The following GLIS3 variants were observed in gnomAD, a reference collection of about 807,000 sequenced individuals.
GLIS3 encodes the protein zinc finger protein GLIS3.
In GLIS3, 53 loss-of-function variants were observed where a neutral mutation model predicts 78.6. The ratio of observed to expected loss-of-function variants is 0.67; its 90% CI spans 0.54 to 0.85. The LOEUF (loss-of-function observed/expected upper bound fraction) is 0.85. Ranked by LOEUF, GLIS3 falls within the 40% of genes least tolerant of loss-of-function variation. The probability of loss-of-function intolerance (pLI) is 0.00; values close to 1 mark genes in which losing one functional copy is unlikely to be tolerated. For missense variants in GLIS3, 1,703 were observed against 1,231.1 expected (o/e 1.38, Z -5.74); for synonymous variants, 684 against 509.9 (o/e 1.34, Z -4.60).
At chr9:3,904,157 G>C (rs1260649774) in intron 6 of GLIS3, among the ~76,000 whole-genome samples, 1 of 152,128 alleles carries the variant, frequency 6.6e-6, no homozygotes, top group East Asian at 1.9e-4. Context: ...CTAGACTTTA[G>C]TATCCAGTTA....
the GLIS3 span, among the ~76,000 whole-genome samples, chr9:4,489,850 T>C: frequency 6.6e-6 from 1 of 152,202 alleles, no homozygotes; most frequent in Non-Finnish European, 1.5e-5. Flanking sequence ...AAGCCCAGTG[T>C]CCACAGACAA....
At chr9:3,851,943 G>T (rs1034190346) in intron 9 of GLIS3, among the ~76,000 whole-genome samples, 1 of 152,146 alleles carries the variant, frequency 6.6e-6, no homozygotes, top group African/African-American at 2.4e-5. Context: ...AGGAGTTTGA[G>T]ATCAGTCTAG....
At chr9:4,330,024 T>C (rs977990104) in intron 2 of GLIS3, among the ~76,000 whole-genome samples, 4 of 152,224 alleles carry the variant, frequency 2.6e-5, no homozygotes, top group African/African-American at 7.2e-5. Context: ...CCAAGTCAGC[T>C]GGAGGTTTTC....
chr9:4,431,680 A>T, the GLIS3 span, among the ~76,000 whole-genome samples: 2 of 152,150 alleles, frequency 1.3e-5, no homozygotes, highest in African/African-American at 4.8e-5. Flanking sequence ...TCCCATCTCT[A>T]CTAAAAATAC....
At chr9:4,384,289 C>T in the GLIS3 span, among the ~76,000 whole-genome samples, 105,079 of 151,916 alleles carry the variant, frequency 0.69, 38,568 homozygotes, top group Non-Finnish European at 0.82. Flanking sequence ...GGTGGGAAAA[C>T]GGAACTACTT....
intron 4 of GLIS3, among the ~76,000 whole-genome samples, chr9:4,059,790 T>G (rs1826469726): frequency 1.0e-5 from 1 of 100,064 alleles, no homozygotes; most frequent in South Asian, 3.3e-4. Context: ...GGCTTGTCAC[T>G]TACTCAGCTT....
At chr9:4,023,439 T>C (rs888142172) in intron 4 of GLIS3, among the ~76,000 whole-genome samples, 2 of 152,198 alleles carry the variant, frequency 1.3e-5, no homozygotes. Context: ...CCCAAAAAAG[T>C]GTCATCAAGG....
At chr9:4,172,257 G>A (rs574851904) in intron 2 of GLIS3, among the ~76,000 whole-genome samples, 63 of 152,132 alleles carry the variant, frequency 4.1e-4, no homozygotes, top group Non-Finnish European at 8.1e-4. Context: ...TTCCAGGGTA[G>A]TGGCTCAGCT....
chr9:4,023,095 C>A (rs1001144419), intron 4 of GLIS3, among the ~76,000 whole-genome samples: 1 of 152,112 alleles, frequency 6.6e-6, no homozygotes, highest in African/African-American at 2.4e-5. Context: ...TATTTGAAAA[C>A]AAATTATATA....
intron 4 of GLIS3, among the ~76,000 whole-genome samples, chr9:3,942,288 C>T (rs1462694175): frequency 6.6e-6 from 1 of 152,162 alleles, no homozygotes; most frequent in African/African-American, 2.4e-5. Flanking sequence ...GAGGTACACA[C>T]TTTCACAATT....
chr9:4,325,981 T>C (rs1294637780), intron 2 of GLIS3, among the ~76,000 whole-genome samples: 1 of 152,022 alleles, frequency 6.6e-6, no homozygotes, highest in African/African-American at 2.4e-5. Context: ...TGTTCTCACT[T>C]ATAAGTGGGA....
the GLIS3 span, among the ~76,000 whole-genome samples, chr9:4,435,363 C>G: frequency 6.6e-6 from 1 of 152,104 alleles, no homozygotes; most frequent in South Asian, 2.1e-4. Context: ...GGGTAATGTC[C>G]CAGGATGACT....
At chr9:4,103,137 C>G (rs1405809459) in intron 4 of GLIS3, among the ~76,000 whole-genome samples, 1 of 152,152 alleles carries the variant, frequency 6.6e-6, no homozygotes, top group Non-Finnish European at 1.5e-5. Context: ...CCCTAGCTAT[C>G]ATAATCACAG....
intron 2 of GLIS3, among the ~76,000 whole-genome samples, chr9:4,229,276 C>T (rs1822049736): frequency 1.3e-5 from 2 of 152,122 alleles, no homozygotes; most frequent in African/African-American, 4.8e-5. Context: ...AAAAATTTTA[C>T]CATGCGCACA....
the GLIS3 span, among the ~76,000 whole-genome samples, chr9:4,444,323 T>C: frequency 5.9e-5 from 9 of 152,354 alleles, no homozygotes; most frequent in East Asian, 1.5e-3. Flanking sequence ...GCAATGTCCT[T>C]CTGTCCTCCC....
rs564303852 is a variant in GLIS3, at chr9:4,116,646, A to C, written c.1710+1122T>G. Among the ~76,000 whole-genome samples, 7 of 152,362 alleles carry C rather than the reference A, an allele frequency of 4.6e-5. No individual in the cohort carries two copies. In the South Asian group the frequency reaches 1.5e-3, roughly 32 times the overall value. ...GGCCAATCTATAATCAAGCATACACATAGTCCAGATTCTTTTTCATCACTG... is the reference window on the plus strand; with the variant it reads ...GGCCAATCTATAATCAAGCATACACCTAGTCCAGATTCTTTTTCATCACTG... On this transcript the variant is annotated intron_variant, in intron 4 of 10. Coordinates refer to ENST00000381971, the MANE Select transcript of GLIS3 (RefSeq NM_001042413.2).
intron 2 of GLIS3, among the ~76,000 whole-genome samples, chr9:4,319,214 T>A (rs1192115027): frequency 6.6e-6 from 1 of 152,236 alleles, no homozygotes; most frequent in East Asian, 1.9e-4. Flanking sequence ...TGGTATTGCA[T>A]TAATCCTGAA....
chr9:4,071,566 T>G (rs1457616312), intron 4 of GLIS3, among the ~76,000 whole-genome samples: 1 of 152,184 alleles, frequency 6.6e-6, no homozygotes, highest in African/African-American at 2.4e-5. Context: ...ATTTTGAGTT[T>G]TAAAAGGAGT....
chr9:4,029,656 G>A (rs35980996), intron 4 of GLIS3, among the ~76,000 whole-genome samples: 36,426 of 151,402 alleles, frequency 0.24, 5,253 homozygotes, highest in Non-Finnish European at 0.34. Context: ...ATTTCCATGG[G>A]CTCAATTGTA....
Sources: allele counts gnomAD v4.1 joint callset (sites outside exome capture counted in the v4.1 genomes callset), GRCh38; gene constraint gnomAD v4.1.1; transcripts MANE v1.5; gene names NCBI Gene and HGNC (gene_info 2026-07-23, HGNC 2026-07-21).